The following CAMSAP2 variants were observed in gnomAD, a reference collection of about 807,000 sequenced individuals.
CAMSAP2 encodes calmodulin regulated spectrin associated protein family member 2, also known as calmodulin-regulated spectrin-associated protein 2.
A neutral mutation model predicts 146.1 loss-of-function variants in CAMSAP2; 26 were observed. The observed-to-expected ratio is 0.18, with a 90% CI of 0.13 to 0.25. The LOEUF (loss-of-function observed/expected upper bound fraction) is 0.25, where lower values mean the gene tolerates loss of function less well. CAMSAP2 is among the 10% of genes least tolerant of loss of function. The pLI, the probability that CAMSAP2 is intolerant of heterozygous loss-of-function variation, is 1.00. For missense variants in CAMSAP2, 1,381 were observed against 1,759.3 expected (o/e 0.78, Z 3.85); for synonymous variants, 499 against 596.6 (o/e 0.84, Z 2.38).
chr1:200,800,235 A>G (rs1273354531), intron 2 of CAMSAP2, among the ~76,000 whole-genome samples: 7 of 151,972 alleles, frequency 4.6e-5, no homozygotes, highest in East Asian at 1.9e-4. Context: ...TTGATTTTCT[A>G]TCTCGTTGAT....
chr1:200,739,259 G>C lies in CAMSAP2; in HGVS notation c.-569G>C, dbSNP rs888641514. Among the ~76,000 whole-genome samples the C allele has an allele frequency of 6.6e-6, 1 of 152,112 alleles. No homozygotes were observed. The highest frequency in any genetic ancestry group is 1.5e-5 in the Non-Finnish European group (1 of 67,996). On this transcript the variant is annotated 5_prime_UTR_variant, in exon 1 of 17. Transcript: ENST00000358823. This position sits in a 1 kb window ranked among gnomAD's most constrained non-coding sequence, Gnocchi z 4.8. ...GGCAGGGGCCGGGCTGCGCTGGGTG[G>C]GCCAGCTCGCCCCGCGCTTCCCCCT... is the stretch of plus-strand genomic sequence containing the variant.
chr1:200,842,138 A>G, intron 7 of CAMSAP2, 51 bp downstream of exon 7: 1 of 1,340,414 alleles, frequency 7.5e-7, no homozygotes, highest in Non-Finnish European at 1.1e-6. Flanking sequence ...AAAAAATGGA[A>G]TGTTGATATA....
intron 14 of CAMSAP2, among the ~76,000 whole-genome samples, chr1:200,855,503 C>G (rs542969916): frequency 2.0e-5 from 3 of 152,272 alleles, no homozygotes; most frequent in South Asian, 2.1e-4. Flanking sequence ...AAAACATTCA[C>G]TCTTTCAACA....
chr1:200,855,113 G>T (rs1035623113), intron 14 of CAMSAP2, among the ~76,000 whole-genome samples: 1 of 152,068 alleles, frequency 6.6e-6, no homozygotes, highest in Admixed American at 6.5e-5. Flanking sequence ...TTAGAATTTA[G>T]AATTATTGAC....
intron 11 of CAMSAP2, among the ~76,000 whole-genome samples, chr1:200,851,885 G>T (rs1311668166): frequency 1.3e-5 from 2 of 152,154 alleles, no homozygotes; most frequent in African/African-American, 4.8e-5. Flanking sequence ...AAGCATTTTG[G>T]AAGCCCGCTG....
At chr1:200,805,164 A>G (rs1234268991) in intron 2 of CAMSAP2, among the ~76,000 whole-genome samples, 1 of 152,240 alleles carries the variant, frequency 6.6e-6, no homozygotes, top group Non-Finnish European at 1.5e-5. Flanking sequence ...AGTAGGAGCC[A>G]CTGTTGGTTT....
chr1:200,857,688 C>A lies in CAMSAP2; in HGVS notation c.4132-66C>A. ...AAGAAACGTAACATAATTATATAAACTTTATTCAGCAAAATAAAGGGTTTT... is the reference window on the plus strand; with the variant it reads ...AAGAAACGTAACATAATTATATAAAATTTATTCAGCAAAATAAAGGGTTTT... On this transcript the variant is annotated intron_variant, in intron 16 of 16. Transcript: ENST00000358823. This position sits in a 1 kb window ranked among gnomAD's most constrained non-coding sequence, Gnocchi z 4.7. The A allele has an allele frequency of 2.3e-6, 3 of 1,332,298 alleles. No individual in the cohort carries two copies. Among genetic ancestry groups the A allele is most frequent in the Non-Finnish European group, 3.1e-6 (3 of 973,100 alleles). 82.5% of individuals were successfully genotyped at this position (1,332,298 alleles called of 1,614,324 possible).
intron 1 of CAMSAP2, among the ~76,000 whole-genome samples, chr1:200,741,808 C>G (rs1664183594): frequency 6.6e-6 from 1 of 152,180 alleles, no homozygotes; most frequent in South Asian, 2.1e-4. Context: ...CTGCCAGGCA[C>G]TCTGCTGGAT....
intron 2 of CAMSAP2, among the ~76,000 whole-genome samples, chr1:200,791,563 T>C (rs1363009232): frequency 6.6e-6 from 1 of 152,154 alleles, no homozygotes; most frequent in Non-Finnish European, 1.5e-5. Context: ...CCTTTTTTCT[T>C]TTTATGCTTT....
At chr1:200,741,116 T>C (rs1435296778) in intron 1 of CAMSAP2, among the ~76,000 whole-genome samples, 2 of 152,208 alleles carry the variant, frequency 1.3e-5, no homozygotes, top group East Asian at 3.8e-4. Flanking sequence ...TTTTCAGGAC[T>C]TACACATCCT....
intron 7 of CAMSAP2, among the ~76,000 whole-genome samples, chr1:200,844,419 G>T (rs1024823118): frequency 6.6e-6 from 1 of 151,838 alleles, no homozygotes; most frequent in East Asian, 2.0e-4. Context: ...GTGGTGGCGG[G>T]TGCCTGTAGT....
intron 1 of CAMSAP2, among the ~76,000 whole-genome samples, chr1:200,756,175 G>A (rs1290891828): frequency 6.6e-6 from 1 of 152,120 alleles, no homozygotes; most frequent in Non-Finnish European, 1.5e-5. Context: ...TGGCTGGGCC[G>A]GGCATGGTGG....
chr1:200,828,658 G>T, intron 4 of CAMSAP2: 1 of 1,490,630 alleles, frequency 6.7e-7, no homozygotes, highest in South Asian at 1.2e-5. Flanking sequence ...ATTGTAGAAT[G>T]GTATTGTTTA....
At chr1:200,796,126 G>A (rs1273860331) in intron 2 of CAMSAP2, among the ~76,000 whole-genome samples, 1 of 152,202 alleles carries the variant, frequency 6.6e-6, no homozygotes, top group East Asian at 1.9e-4. Context: ...GTATAGCAGA[G>A]TAGCAGTGGC....
chr1:200,847,897 C>G (rs1667503150), intron 10 of CAMSAP2, 135 bp from the exon 11 acceptor site: 1 of 795,374 alleles, frequency 1.3e-6, no homozygotes, highest in Non-Finnish European at 2.0e-6. Flanking sequence ...GATAGCCCTC[C>G]CCTTACCTTG....
At chr1:200,740,275 C>T (rs951446932) in intron 1 of CAMSAP2, among the ~76,000 whole-genome samples, 59 of 147,804 alleles carry the variant, frequency 4.0e-4, no homozygotes, top group African/African-American at 1.4e-3. Context: ...GTGGTATTTT[C>T]TTCATTGTGT....
chr1:200,812,304 G>GA (rs5780042), intron 3 of CAMSAP2, among the ~76,000 whole-genome samples: 48,269 of 151,862 alleles, frequency 0.32, 8,734 homozygotes, highest in East Asian at 0.52. Flanking sequence ...ATAAAGAGAA[G>GA]GATAGTTTAA....
intron 2 of CAMSAP2, among the ~76,000 whole-genome samples, chr1:200,784,881 TGAAG>T (rs1393183451): frequency 3.3e-5 from 5 of 152,352 alleles, no homozygotes; most frequent in Middle Eastern, 6.8e-3. Context: ...GTAGGATTTT[TGAAG>T]ATGTTCTTTT....
chr1:200,739,182 C>G lies in CAMSAP2; in HGVS notation c.-646C>G, dbSNP rs1664071791. 6.6e-6 allele frequency among the ~76,000 whole-genome samples: 1 copy of G among 152,012 alleles called. No homozygotes were observed. Among genetic ancestry groups the G allele is most frequent in the South Asian group, 2.1e-4 (1 of 4,834 alleles). ...CACAGAGGAGGGGACGGGCCGGCGG[C>G]GGCCTGTGAGCCGCAGTGATTTTGA... is the stretch of plus-strand genomic sequence containing the variant. On this transcript the variant is annotated 5_prime_UTR_variant, in exon 1 of 17. Transcript: ENST00000358823. The surrounding 1 kb of genome is among the most constrained non-coding windows in gnomAD (Gnocchi z 4.8).
Sources: allele counts gnomAD v4.1 joint callset (sites outside exome capture counted in the v4.1 genomes callset), GRCh38; gene constraint gnomAD v4.1.1; non-coding constraint Gnocchi (gnomAD v3.1); transcripts MANE v1.5; gene names NCBI Gene and HGNC (gene_info 2026-07-23, HGNC 2026-07-21).